BLTP3B: variants seen among roughly 807,000 people sequenced by gnomAD.
BLTP3B encodes bridge-like lipid transfer protein family member 3B.
chr12:100,127,151 C>T, the BLTP3B span, among the ~76,000 whole-genome samples: 2 of 152,138 alleles, frequency 1.3e-5, no homozygotes, highest in Admixed American at 1.3e-4. Flanking sequence ...GAGCAAGCGT[C>T]TCAGAGGATT....
chr12:100,128,824 T>C, the BLTP3B span: 2 of 1,057,210 alleles, frequency 1.9e-6, no homozygotes, highest in Non-Finnish European at 2.4e-6. Context: ...GTGGTGCCCT[T>C]TGGAAAAAAA....
chr12:100,087,226 C>T, the BLTP3B span, among the ~76,000 whole-genome samples: 1 of 148,560 alleles, frequency 6.7e-6, no homozygotes, highest in Admixed American at 6.7e-5. Flanking sequence ...TGTCCAAAGT[C>T]ACACAGCTAT....
chr12:100,075,066 C>A, the BLTP3B span, among the ~76,000 whole-genome samples: 1 of 151,244 alleles, frequency 6.6e-6, no homozygotes, highest in Admixed American at 6.6e-5. Context: ...GGCTGGAGTG[C>A]AATGGCATGA....
chr12:100,114,565 T>A, the BLTP3B span, among the ~76,000 whole-genome samples: 2 of 152,344 alleles, frequency 1.3e-5, no homozygotes, highest in East Asian at 1.9e-4. Flanking sequence ...AGAACCAGTA[T>A]GTGTATGCAA....
At chr12:100,049,420 T>C in the BLTP3B span, among the ~76,000 whole-genome samples, 1 of 152,160 alleles carries the variant, frequency 6.6e-6, no homozygotes, top group Non-Finnish European at 1.5e-5. Flanking sequence ...GTGTGACTAG[T>C]CTTAAACAGG....
At chr12:100,117,550 A>C in the BLTP3B span, among the ~76,000 whole-genome samples, 1 of 151,674 alleles carries the variant, frequency 6.6e-6, no homozygotes, top group Non-Finnish European at 1.5e-5. Flanking sequence ...GCAGCCTTGA[A>C]CTCCTGGGCT....
chr12:100,057,063 A>G, the BLTP3B span, among the ~76,000 whole-genome samples: 1 of 152,208 alleles, frequency 6.6e-6, no homozygotes, highest in Non-Finnish European at 1.5e-5. Flanking sequence ...TAGTTACACC[A>G]TATACTATCA....
the BLTP3B span, among the ~76,000 whole-genome samples, chr12:100,099,106 C>A: frequency 1.3e-5 from 2 of 151,638 alleles, no homozygotes; most frequent in African/African-American, 4.8e-5. Flanking sequence ...AATTCTTCTG[C>A]CTCAGCCTCC....
chr12:100,086,477 G>T, the BLTP3B span: 1 of 616,162 alleles, frequency 1.6e-6, no homozygotes, highest in South Asian at 2.2e-5. Context: ...TCTCTTTTAT[G>T]ACGGCACATT....
chr12:100,047,560 T>G, the BLTP3B span: 2 of 1,612,672 alleles, frequency 1.2e-6, no homozygotes, highest in East Asian at 4.5e-5. Context: ...TCGTCACTTC[T>G]CTCTACCACA....
the BLTP3B span, among the ~76,000 whole-genome samples, chr12:100,089,575 AAAAC>A: frequency 1.3e-5 from 2 of 152,122 alleles, no homozygotes. Context: ...AACAAAAACA[AAAAC>A]AAAAAAACAA....
chr12:100,086,649 C>G, the BLTP3B span, among the ~76,000 whole-genome samples: 1 of 152,170 alleles, frequency 6.6e-6, no homozygotes, highest in Non-Finnish European at 1.5e-5. Flanking sequence ...CAAGGCCTCC[C>G]CATATGTCAG....
the BLTP3B span, among the ~76,000 whole-genome samples, chr12:100,140,783 T>C: frequency 2.2e-5 from 3 of 138,044 alleles, no homozygotes; most frequent in South Asian, 6.9e-4. Flanking sequence ...CCCTAAAGAC[T>C]CAATTTTCAA....
chr12:100,096,227 C>T, the BLTP3B span, among the ~76,000 whole-genome samples: 1 of 151,470 alleles, frequency 6.6e-6, no homozygotes. Flanking sequence ...GCACTCCAGC[C>T]TGGGTGACAG....
the BLTP3B span, among the ~76,000 whole-genome samples, chr12:100,141,149 T>C: frequency 6.6e-6 from 1 of 151,974 alleles, no homozygotes. Context: ...GCCATATATA[T>C]AATTTTAAAA....
At chr12:100,067,311 C>T in the BLTP3B span, among the ~76,000 whole-genome samples, 2 of 151,876 alleles carry the variant, frequency 1.3e-5, no homozygotes, top group African/African-American at 4.8e-5. Context: ...CAAACCCAAA[C>T]CCAGCAGAAG....
At chr12:100,083,421 A>T in the BLTP3B span, among the ~76,000 whole-genome samples, 1 of 152,102 alleles carries the variant, frequency 6.6e-6, no homozygotes, top group Non-Finnish European at 1.5e-5. Context: ...TAGAAAGTGA[A>T]GGGTATGGGG....
the BLTP3B span, chr12:100,098,587 T>A: frequency 2.6e-6 from 4 of 1,546,914 alleles, no homozygotes; most frequent in Admixed American, 7.8e-5. Context: ...CAAAACTAAT[T>A]TTTAAAAATT....
At chr12:100,114,730 T>C in the BLTP3B span, among the ~76,000 whole-genome samples, 1 of 152,218 alleles carries the variant, frequency 6.6e-6, no homozygotes, top group Non-Finnish European at 1.5e-5. Flanking sequence ...TTGGCTTGGA[T>C]CACTAAGTTA....
Sources: gnomAD v4.1 joint callset for allele counts (sites outside exome capture counted in the v4.1 genomes callset) on GRCh38, gnomAD v4.1.1 for gene constraint, MANE v1.5 for transcripts, NCBI Gene and HGNC (gene_info 2026-07-23, HGNC 2026-07-21) for gene names.